CHN2: variants seen among roughly 807,000 people sequenced by gnomAD.
CHN2 encodes the protein beta-chimaerin.
A neutral mutation model predicts 56.3 loss-of-function variants in CHN2; 35 were observed. That is an observed-to-expected ratio of 0.62 (90% CI 0.47 to 0.82). The LOEUF (loss-of-function observed/expected upper bound fraction) is 0.82, where lower values mean the gene tolerates loss of function less well. Ranked by LOEUF, CHN2 falls within the 40% of genes least tolerant of loss-of-function variation. CHN2 has a pLI of 0.00. For synonymous variants in CHN2, 210 were observed against 212.8 expected (o/e 0.99, Z 0.12); for missense variants, 491 against 580.5 (o/e 0.85, Z 1.58).
At chr7:29,501,357 G>A (rs1455086924) in intron 9 of CHN2, among the ~76,000 whole-genome samples, 1 of 152,116 alleles carries the variant, frequency 6.6e-6, no homozygotes. Context: ...GCTAAACTGG[G>A]TAAGAGGAAA....
chr7:29,301,342 T>TACACAC lies in CHN2; in HGVS notation c.50-53241_50-53236dup, dbSNP rs10570363. ...ATTTGAAAGCAGGGCCTCAAACAGG[T>TACACAC]ACACACACACACACACACACACACA... is the stretch of plus-strand genomic sequence containing the variant. On this transcript the variant is annotated intron_variant, in intron 1 of 12. Coordinates refer to ENST00000222792, the MANE Select transcript of CHN2 (RefSeq NM_004067.4). Among the ~76,000 whole-genome samples, 1,128 of 141,676 alleles carry TACACAC rather than the reference T, an allele frequency of 8.0e-3. 19 individuals carry two copies. The highest frequency in any genetic ancestry group is 0.028 in the African/African-American group (1,052 of 38,010). 92.9% of individuals were successfully genotyped at this position (141,676 alleles called of 152,430 possible).
chr7:29,325,876 A>T (rs1795761418), intron 1 of CHN2, among the ~76,000 whole-genome samples: 5 of 152,204 alleles, frequency 3.3e-5, no homozygotes, highest in Admixed American at 3.3e-4. Flanking sequence ...GCTGAAAAAA[A>T]CTTGAATTAG....
At chr7:29,506,501 G>T (rs1171448032) in intron 10 of CHN2, among the ~76,000 whole-genome samples, 1 of 152,106 alleles carries the variant, frequency 6.6e-6, no homozygotes, top group Non-Finnish European at 1.5e-5. Context: ...GCCAGGCATG[G>T]TGGCACGTCC....
intron 1 of CHN2, among the ~76,000 whole-genome samples, chr7:29,274,895 T>C (rs1214750063): frequency 1.3e-5 from 2 of 152,106 alleles, no homozygotes; most frequent in African/African-American, 4.8e-5. Flanking sequence ...AGTGTTACAG[T>C]GAGGAGAGTC....
chr7:29,408,828 G>C (rs1458629054), intron 6 of CHN2, among the ~76,000 whole-genome samples: 2 of 152,174 alleles, frequency 1.3e-5, no homozygotes, highest in Non-Finnish European at 2.9e-5. Flanking sequence ...TACATTCAGC[G>C]TATGGAGGGA....
At chr7:29,312,039 G>A (rs1352018457) in intron 1 of CHN2, among the ~76,000 whole-genome samples, 4 of 152,060 alleles carry the variant, frequency 2.6e-5, no homozygotes, top group Non-Finnish European at 5.9e-5. Context: ...TATGATTTGA[G>A]GCAACTACAG....
chr7:29,357,986 A>G (rs186483915), intron 2 of CHN2, among the ~76,000 whole-genome samples: 2 of 152,328 alleles, frequency 1.3e-5, no homozygotes, highest in South Asian at 2.1e-4. Flanking sequence ...TGGATTCCAT[A>G]TTCTTCCATC....
chr7:29,418,493 A>G (rs1804006434), intron 6 of CHN2, among the ~76,000 whole-genome samples: 1 of 152,266 alleles, frequency 6.6e-6, no homozygotes, highest in Non-Finnish European at 1.5e-5. Context: ...AGCTGAGCCC[A>G]GCAAACACAA....
intron 7 of CHN2, among the ~76,000 whole-genome samples, chr7:29,481,611 C>G (rs1375170074): frequency 6.6e-6 from 1 of 150,864 alleles, no homozygotes; most frequent in African/African-American, 2.4e-5. Flanking sequence ...ATATTTCTCC[C>G]GTCACTGAAT....
At chr7:29,238,170 A>C (rs1242719441) in intron 1 of CHN2, among the ~76,000 whole-genome samples, 2 of 151,862 alleles carry the variant, frequency 1.3e-5, no homozygotes, top group Non-Finnish European at 2.9e-5. Flanking sequence ...GGCGTGTGCC[A>C]CCACGCCCGG....
At position 29,302,155 on chromosome 7, in the gene CHN2, G is replaced by A. The variant is rs564122984; in HGVS notation, c.50-52470G>A. 7.2e-5 allele frequency among the ~76,000 whole-genome samples: 11 copies of A among 152,310 alleles called. No individual in the cohort carries two copies. In the South Asian group the frequency reaches 2.1e-3, roughly 29 times the overall value. On this transcript the variant is annotated intron_variant, in intron 1 of 12. Transcript: ENST00000222792. ...GTGATCTCTAGAGCTACAGTTTAGC[G>A]AGCGTGATTTTAAAAATTGTGGTCA...
At chr7:29,201,357 C>T (rs1305982579) in intron 1 of CHN2, among the ~76,000 whole-genome samples, 1 of 152,166 alleles carries the variant, frequency 6.6e-6, no homozygotes, top group Non-Finnish European at 1.5e-5. Context: ...ATGCTCCCCC[C>T]ACCCACTTCC....
intron 6 of CHN2, among the ~76,000 whole-genome samples, chr7:29,436,903 T>A (rs903680308): frequency 3.3e-5 from 5 of 151,750 alleles, no homozygotes; most frequent in South Asian, 2.1e-4. Context: ...CCTTTTTTTT[T>A]AAGCTACACT....
chr7:29,467,632 A>G (rs1301223584), intron 6 of CHN2, among the ~76,000 whole-genome samples: 1 of 152,100 alleles, frequency 6.6e-6, no homozygotes, highest in African/African-American at 2.4e-5. Context: ...AGGATATTAC[A>G]CTCTAGTGGG....
chr7:29,381,809 CAAAAAAAAAA>C (rs60652952), intron 3 of CHN2, among the ~76,000 whole-genome samples: 20 of 39,510 alleles, frequency 5.1e-4, no homozygotes, highest in South Asian at 1.4e-3. Context: ...CTAAACTAAG[CAAAAAAAAAA>C]AAAAAAAAAA....
chr7:29,183,930 A>T (rs1325889703), intron 2 of CHN2, among the ~76,000 whole-genome samples: 2 of 152,224 alleles, frequency 1.3e-5, no homozygotes, highest in African/African-American at 4.8e-5. Flanking sequence ...ACAATGGGGC[A>T]TAACAACGAG....
chr7:29,249,958 C>T (rs1424147300), intron 1 of CHN2, among the ~76,000 whole-genome samples: 4 of 152,222 alleles, frequency 2.6e-5, no homozygotes, highest in Non-Finnish European at 1.5e-5. Flanking sequence ...ACCTTTTCTT[C>T]TACTCTCTTG....
At chr7:29,162,280 T>C (rs1023152295) in intron 2 of CHN2, among the ~76,000 whole-genome samples, 8 of 152,156 alleles carry the variant, frequency 5.3e-5, no homozygotes, top group African/African-American at 9.6e-5. Context: ...AGGTGAATAG[T>C]TGAACACACA....
intron 6 of CHN2, among the ~76,000 whole-genome samples, chr7:29,441,575 A>G (rs551312945): frequency 3.9e-5 from 6 of 152,362 alleles, no homozygotes; most frequent in African/African-American, 1.4e-4. Context: ...TAAGGCTGTT[A>G]TATTTCAACA....
Sources: gnomAD v4.1 joint callset for allele counts (sites outside exome capture counted in the v4.1 genomes callset) on GRCh38, gnomAD v4.1.1 for gene constraint, MANE v1.5 for transcripts, NCBI Gene and HGNC (gene_info 2026-07-23, HGNC 2026-07-21) for gene names.